Variants in EZH2 observed in about 807,000 individuals in gnomAD.
EZH2 encodes enhancer of zeste 2 polycomb repressive complex 2 subunit.
EZH2 carries 18 observed loss-of-function variants against 98.4 expected under a neutral mutation model. The observed-to-expected ratio is 0.18, with a 90% confidence interval of 0.13 to 0.27. The LOEUF (loss-of-function observed/expected upper bound fraction) is 0.27. EZH2 is among the 10% of genes least tolerant of loss of function. The pLI is 1.00. For synonymous variants in EZH2, 338 were observed against 312.3 expected, an observed-to-expected ratio of 1.08 and a Z score of -0.87; for missense variants, 470 against 935.1, an observed-to-expected ratio of 0.50 and a Z score of 6.49.
intron 1 of EZH2, among the ~76,000 whole-genome samples, chr7:148,868,326 G>A (rs1818837739): frequency 6.6e-6 from 1 of 152,192 alleles, no homozygotes; most frequent in Non-Finnish European, 1.5e-5. Flanking sequence ...CATGGCTGGG[G>A]AAGCCTCAGG....
intron 1 of EZH2, among the ~76,000 whole-genome samples, chr7:148,858,788 T>C (rs538274908): frequency 6.6e-6 from 1 of 152,212 alleles, no homozygotes; most frequent in Non-Finnish European, 1.5e-5. Context: ...ACACAAACAA[T>C]TTAAAAGGAA....
At chr7:148,825,961 A>T (rs1237969758) in intron 8 of EZH2, among the ~76,000 whole-genome samples, 1 of 152,204 alleles carries the variant, frequency 6.6e-6, no homozygotes, top group Non-Finnish European at 1.5e-5. Context: ...ATTTTCACTA[A>T]GAACATTTTA....
chr7:148,829,351 T>C (rs1808654171), intron 5 of EZH2, among the ~76,000 whole-genome samples: 1 of 152,170 alleles, frequency 6.6e-6, no homozygotes, highest in Non-Finnish European at 1.5e-5. Flanking sequence ...AGGAGCGGTA[T>C]TTTTTAGTAG....
chr7:148,846,838 CTGTGTGTGTGTGTG>C (rs59597308), intron 2 of EZH2, among the ~76,000 whole-genome samples: 1,926 of 135,154 alleles, frequency 0.014, 32 homozygotes, highest in African/African-American at 0.045. Flanking sequence ...TCTTTGTTGA[CTGTGTGTGTGTGTG>C]TGTGTGTGTG....
intron 1 of EZH2, among the ~76,000 whole-genome samples, chr7:148,870,915 C>T (rs542189993): frequency 4.7e-4 from 70 of 148,178 alleles, no homozygotes; most frequent in African/African-American, 1.6e-3. Context: ...GATGACACAG[C>T]GAGACCTTGT....
chr7:148,851,380 C>T (rs1314256967), intron 1 of EZH2, among the ~76,000 whole-genome samples: 1 of 152,036 alleles, frequency 6.6e-6, no homozygotes, highest in Admixed American at 6.6e-5. Flanking sequence ...ATAAAACCTA[C>T]CTCAAAGTCT....
At chr7:148,824,483 A>G (rs551317429) in intron 8 of EZH2, among the ~76,000 whole-genome samples, 7 of 152,282 alleles carry the variant, frequency 4.6e-5, no homozygotes, top group Admixed American at 3.3e-4. Context: ...ATACTTGCCA[A>G]TGTGTCACAA....
intron 1 of EZH2, among the ~76,000 whole-genome samples, chr7:148,856,046 A>G (rs1241401758): frequency 2.0e-5 from 3 of 152,158 alleles, no homozygotes; most frequent in Non-Finnish European, 4.4e-5. Context: ...AAATAAAAAC[A>G]AAACAGGATG....
chr7:148,843,608 TTTTTTGA>T, intron 3 of EZH2, among the ~76,000 whole-genome samples: 1 of 129,764 alleles, frequency 7.7e-6, no homozygotes, highest in African/African-American at 3.2e-5. Context: ...TTTTTTTTTT[TTTTTTGA>T]GACAGCGTCT....
At chr7:148,815,910 G>T (rs1239511415) in intron 12 of EZH2, among the ~76,000 whole-genome samples, 1 of 151,904 alleles carries the variant, frequency 6.6e-6, no homozygotes, top group Admixed American at 6.6e-5. Flanking sequence ...TGAACTACGT[G>T]GTCAGAAATA....
At position 148,846,452 on chromosome 7, in the gene EZH2, C is replaced by T; in HGVS notation, c.246+18G>A. On this transcript the variant is annotated intron_variant, in intron 3 of 19. Transcript: ENST00000320356. The stretch of plus-strand genomic sequence containing the variant: ...CAAAAGATGATGATAATTACTACAA[C>T]ATGTTATGTTAACCAACCTCCCTAG... 6.2e-7 allele frequency: 1 copy of T among 1,602,940 alleles called. No individual in the cohort carries two copies. Among genetic ancestry groups the T allele is most frequent in the Non-Finnish European group, 8.5e-7 (1 of 1,174,570 alleles).
chr7:148,880,382 TAAC>T lies in EZH2; in HGVS notation c.-8+3779_-8+3781del, dbSNP rs569062604. Among the ~76,000 whole-genome samples the T allele has an allele frequency of 4.6e-5, 7 of 152,368 alleles. No individual in the cohort carries two copies. The South Asian group carries it at 1.4e-3, about 32-fold the overall frequency. On this transcript the variant is annotated intron_variant, in intron 1 of 19. Transcript: ENST00000320356. ...ACTCCAATAAAGAACTCATGAATTATAACAAAACAGCTTTTCAGTTAAAAGATC... is the reference window on the plus strand; with the variant it reads ...ACTCCAATAAAGAACTCATGAATTATAAAACAGCTTTTCAGTTAAAAGATC...
intron 12 of EZH2, 97 bp downstream of exon 12, chr7:148,816,587 A>G: frequency 1.2e-6 from 1 of 833,434 alleles, no homozygotes. Context: ...TTTTTTAAAA[A>G]TAGACTAAGT....
chr7:148,815,895 G>A (rs1050430324), intron 12 of EZH2, among the ~76,000 whole-genome samples: 7 of 152,182 alleles, frequency 4.6e-5, no homozygotes, highest in Non-Finnish European at 1.0e-4. Context: ...CATAAACCAA[G>A]CAAGTGAACT....
Position 148,807,768 on chromosome 7 carries a change from AAC to A in EZH2, c.2196-64_2196-63del, listed in dbSNP as rs1563182094. The A allele has an allele frequency of 9.0e-5, 75 of 830,480 alleles. 1 individual carries two copies. In the South Asian group the frequency reaches 1.2e-3, roughly 14 times the overall value. The allele number at this position is 830,480 out of a possible 1,614,324, so 51.4% of individuals were successfully genotyped here. On this transcript the variant is annotated intron_variant, in intron 19 of 19. Transcript: ENST00000320356. ...ACCCATCCAACATGTGCTGAGACTTAACACAACAAAGCCTGCTGAAGATAGTG... is the reference window on the plus strand; with the variant it reads ...ACCCATCCAACATGTGCTGAGACTTAACAACAAAGCCTGCTGAAGATAGTG...
At chr7:148,852,229 G>C (rs559164320) in intron 1 of EZH2, among the ~76,000 whole-genome samples, 2 of 152,296 alleles carry the variant, frequency 1.3e-5, no homozygotes, top group Admixed American at 1.3e-4. Context: ...ATTTACATAG[G>C]TTAACTAAAA....
In EZH2 at chr7:148,827,277, G is replaced by C. The variant is rs372660291; in HGVS notation, c.626-11C>G. 6.3e-7 allele frequency: 1 copy of C among 1,589,070 alleles called. No homozygotes were observed. The highest frequency in any genetic ancestry group is 8.6e-7 in the Non-Finnish European group (1 of 1,164,466). Reference sequence around the variant, plus strand: ...GGCGGCTTTCTTTATCTAAACAGGAGAATATGAAAGGAAAAAAAGAATGGA... The same window carrying C: ...GGCGGCTTTCTTTATCTAAACAGGACAATATGAAAGGAAAAAAAGAATGGA... On this transcript the variant is annotated splice_polypyrimidine_tract_variant and intron_variant, in intron 6 of 19. Transcript: ENST00000320356.
chr7:148,810,921 A>G (rs1262543626), intron 16 of EZH2, among the ~76,000 whole-genome samples: 2 of 151,578 alleles, frequency 1.3e-5, no homozygotes, highest in Non-Finnish European at 2.9e-5. Context: ...AAAAAAAAAA[A>G]ATTTGGGTGA....
chr7:148,870,891 T>C (rs1819267755), intron 1 of EZH2, among the ~76,000 whole-genome samples: 1 of 150,276 alleles, frequency 6.7e-6, no homozygotes, highest in Admixed American at 6.6e-5. Context: ...ACTGCGCCAC[T>C]GCATTCCAGC....
Sources: allele counts gnomAD v4.1 joint callset (sites outside exome capture counted in the v4.1 genomes callset), GRCh38; gene constraint gnomAD v4.1.1; transcripts MANE v1.5; gene names NCBI Gene and HGNC (gene_info 2026-07-23, HGNC 2026-07-21).